TBCK: variants seen among roughly 807,000 people sequenced by gnomAD.
TBCK encodes TBC domain-containing protein kinase-like protein.
A neutral mutation model predicts 113.4 loss-of-function variants in TBCK; 99 were observed. That is an observed-to-expected ratio of 0.87 (90% CI 0.74 to 1.03). The LOEUF (loss-of-function observed/expected upper bound fraction) is 1.03, where lower values mean the gene tolerates loss of function less well. Ranked by LOEUF, TBCK falls within the 50% of genes least tolerant of loss-of-function variation. TBCK has a pLI of 0.00. For missense variants in TBCK, 1,045 were observed against 1,061.3 expected, an observed-to-expected ratio of 0.98 and a Z score of 0.21; for synonymous variants, 369 against 370.8, an observed-to-expected ratio of 1.00 and a Z score of 0.05.
intron 19 of TBCK, among the ~76,000 whole-genome samples, chr4:106,223,213 C>G (rs1322188658): frequency 1.3e-5 from 2 of 152,108 alleles, no homozygotes; most frequent in African/African-American, 2.4e-5. Flanking sequence ...TTGCACCAAC[C>G]TAATACAATG....
intron 23 of TBCK, among the ~76,000 whole-genome samples, chr4:106,124,857 G>C (rs982734637): frequency 2.0e-5 from 3 of 151,594 alleles, no homozygotes; most frequent in Non-Finnish European, 2.9e-5. Flanking sequence ...GTTGTGGGCT[G>C]GGGGGAGGGG....
chr4:106,081,154 C>A (rs1013218300), intron 25 of TBCK, among the ~76,000 whole-genome samples: 1 of 152,148 alleles, frequency 6.6e-6, no homozygotes, highest in Non-Finnish European at 1.5e-5. Flanking sequence ...GCAAAAATAC[C>A]ATTTGACCCA....
At chr4:106,148,585 G>A (rs1344736268) in intron 23 of TBCK, among the ~76,000 whole-genome samples, 1 of 152,214 alleles carries the variant, frequency 6.6e-6, no homozygotes. Context: ...ATAATGAGCA[G>A]TAATATTTTG....
chr4:106,109,837 T>G (rs934699716), intron 24 of TBCK, among the ~76,000 whole-genome samples: 2 of 152,032 alleles, frequency 1.3e-5, no homozygotes, highest in Non-Finnish European at 2.9e-5. Context: ...GTAAACAGAC[T>G]GTAGGAGATT....
chr4:106,064,909 T>G (rs1021138679), intron 25 of TBCK, among the ~76,000 whole-genome samples: 1 of 151,956 alleles, frequency 6.6e-6, no homozygotes, highest in Admixed American at 6.6e-5. Context: ...ACATTAAGCA[T>G]GCTATGGTAC....
intron 25 of TBCK, among the ~76,000 whole-genome samples, chr4:106,089,848 C>A (rs917592642): frequency 6.6e-6 from 1 of 152,188 alleles, no homozygotes; most frequent in Non-Finnish European, 1.5e-5. Flanking sequence ...CAGGTTTGTC[C>A]CTGTGGCTTT....
intron 23 of TBCK, among the ~76,000 whole-genome samples, chr4:106,167,108 T>C (rs889351998): frequency 5.5e-5 from 8 of 146,304 alleles, no homozygotes; most frequent in African/African-American, 1.8e-4. Flanking sequence ...GTGTGTATTA[T>C]ATACACACTG....
chr4:106,268,325 CTA>C (rs1486402944), intron 3 of TBCK, among the ~76,000 whole-genome samples: 1 of 151,960 alleles, frequency 6.6e-6, no homozygotes, highest in Non-Finnish European at 1.5e-5. Flanking sequence ...GTAATTATTT[CTA>C]TATAAGCTTG....
intron 12 of TBCK, among the ~76,000 whole-genome samples, chr4:106,239,866 C>G (rs1170534025): frequency 1.3e-5 from 2 of 151,916 alleles, no homozygotes; most frequent in African/African-American, 4.8e-5. Flanking sequence ...AGGCAACACT[C>G]TCCTATTTAT....
intron 3 of TBCK, among the ~76,000 whole-genome samples, chr4:106,279,670 G>A (rs542586974): frequency 6.6e-6 from 1 of 152,138 alleles, no homozygotes; most frequent in South Asian, 2.1e-4. Flanking sequence ...ATAAACAGGT[G>A]AGAACATGTA....
chr4:106,161,988 A>C (rs1316641180), intron 23 of TBCK, among the ~76,000 whole-genome samples: 1 of 152,176 alleles, frequency 6.6e-6, no homozygotes, highest in Non-Finnish European at 1.5e-5. Context: ...TTTCAGGGTT[A>C]ACTCAAAAGT....
intron 20 of TBCK, among the ~76,000 whole-genome samples, chr4:106,199,021 T>A (rs542761308): frequency 2.0e-5 from 3 of 152,292 alleles, no homozygotes; most frequent in South Asian, 4.1e-4. Context: ...GCCTAATACA[T>A]GCCAGATCTG....
intron 24 of TBCK, among the ~76,000 whole-genome samples, chr4:106,098,235 T>C (rs72962597): frequency 0.027 from 4,042 of 152,126 alleles, 168 homozygotes; most frequent in African/African-American, 0.092. Flanking sequence ...AACACAGATA[T>C]GGGGTAAACA....
intron 7 of TBCK, among the ~76,000 whole-genome samples, chr4:106,249,589 AGACT>A (rs1432351320): frequency 2.6e-5 from 4 of 152,132 alleles, no homozygotes; most frequent in Admixed American, 2.6e-4. Flanking sequence ...CATGATTACA[AGACT>A]AACTTATTTT....
chr4:106,292,123 G>A (rs1006367499), intron 3 of TBCK, among the ~76,000 whole-genome samples: 1 of 152,088 alleles, frequency 6.6e-6, no homozygotes, highest in Non-Finnish European at 1.5e-5. Flanking sequence ...ATGACTGGAC[G>A]GCTTTCTGGT....
rs948754887 is a variant in TBCK at position 106,043,885 on chromosome 4, A to G, written c.*2685T>C. 3.3e-5 allele frequency: 5 copies of G among 152,124 alleles called. No homozygotes were observed. Among genetic ancestry groups the G allele is most frequent in the African/African-American group, 1.2e-4 (5 of 41,414 alleles). 9.4% of individuals were successfully genotyped at this position (152,124 alleles called of 1,614,324 possible). A position where few individuals can be genotyped will look rare whatever the true frequency, so the allele number is the denominator to read the frequency against. ...GGAACTCAAATAAATCCTGGGTTAT[A>G]TACGTTTAATCTAACAAATAGTTGT... On this transcript the variant is annotated 3_prime_UTR_variant, in exon 26 of 26. Transcript: ENST00000394708.
At chr4:106,164,540 T>C (rs1750150900) in intron 23 of TBCK, 1 of 151,788 alleles carries the variant, frequency 6.6e-6, no homozygotes. Flanking sequence ...AATATATATG[T>C]TTCAATAAAT....
At position 106,260,443 on chromosome 4, in the gene TBCK, G is replaced by A. The variant is rs2073635744; in HGVS notation, c.449C>T (p.Pro150Leu). 2 of 1,351,044 alleles carry A rather than the reference G, an allele frequency of 1.5e-6. No homozygotes were observed. Among genetic ancestry groups the A allele is most frequent in the Non-Finnish European group, 2.0e-6 (2 of 1,018,898 alleles). The allele number at this position is 1,351,044 out of a possible 1,614,324, so 83.7% of individuals were successfully genotyped here. A position where few individuals can be genotyped will look rare whatever the true frequency, so the allele number is the denominator to read the frequency against. The change falls in exon 5 of 26, where the codon CCA becomes CTA. Residue 150 changes from proline (P) to leucine (L), a missense_variant. Physicochemically the swap from Pro to Leu is moderately conservative, Grantham distance 98. Transcript: ENST00000394708. Reference sequence around the variant, plus strand: ...GAGGAAAACATATCCTTACCCTATTGGGAAATCAACATCATCACCATGAGC... The same window carrying A: ...GAGGAAAACATATCCTTACCCTATTAGGAAATCAACATCATCACCATGAGC... ...MTAHGDDVDF[P>L]IGYPSYLAPE...
intron 2 of TBCK, among the ~76,000 whole-genome samples, chr4:106,296,973 T>C (rs1766376904): frequency 6.6e-6 from 1 of 151,834 alleles, no homozygotes; most frequent in Non-Finnish European, 1.5e-5. Context: ...GCAGGCAACA[T>C]TATCAGAAAA....
Sources: allele counts gnomAD v4.1 joint callset (sites outside exome capture counted in the v4.1 genomes callset), GRCh38; gene constraint gnomAD v4.1.1; transcripts MANE v1.5; gene names NCBI Gene and HGNC (gene_info 2026-07-23, HGNC 2026-07-21).